CIMAP1B: variants seen among roughly 807,000 people sequenced by gnomAD.
The protein encoded by CIMAP1B is ciliary microtubule associated protein 1B.
chr22:50,531,811 C>T, the CIMAP1B span: 1 of 1,346,446 alleles, frequency 7.4e-7, no homozygotes, highest in African/African-American at 1.5e-5. Flanking sequence ...CGGGCCCAGC[C>T]CCAAGCCCCA....
At chr22:50,530,942 T>G in the CIMAP1B span, 1 of 1,610,772 alleles carries the variant, frequency 6.2e-7, no homozygotes, top group Admixed American at 1.7e-5. Flanking sequence ...CCCACCTTGC[T>G]GAGGTCCTCG....
chr22:50,530,791 T>C, the CIMAP1B span: 36 of 1,607,006 alleles, frequency 2.2e-5, no homozygotes, highest in East Asian at 8.1e-4. Flanking sequence ...AATCGTGAAC[T>C]GGGGGGCCCG....
chr22:50,532,134 G>GCGGCCC, the CIMAP1B span: 1 of 1,329,444 alleles, frequency 7.5e-7, no homozygotes, highest in Non-Finnish European at 9.7e-7. Context: ...GGCGGTGGCC[G>GCGGCCC]CGGCCCCTGC....
the CIMAP1B span, chr22:50,530,636 C>G: frequency 1.3e-6 from 2 of 1,580,174 alleles, no homozygotes; most frequent in Non-Finnish European, 1.7e-6. Flanking sequence ...CCCCCGGGGA[C>G]TCTGATCCCA....
chr22:50,532,215 C>G, the CIMAP1B span: 965 of 1,159,724 alleles, frequency 8.3e-4, 1 homozygote, highest in Non-Finnish European at 1.0e-3. Flanking sequence ...GGGCCTGGAC[C>G]GTATCCCTGG....
chr22:50,530,669 C>T, the CIMAP1B span: 48 of 1,602,898 alleles, frequency 3.0e-5, no homozygotes, highest in Non-Finnish European at 3.9e-5. Flanking sequence ...CAGGCCCTCC[C>T]CACTCTCCTG....
At chr22:50,530,942 T>C in the CIMAP1B span, 4 of 1,610,892 alleles carry the variant, frequency 2.5e-6, no homozygotes, top group Admixed American at 6.7e-5. Flanking sequence ...CCCACCTTGC[T>C]GAGGTCCTCG....
At chr22:50,530,449 AAC>A in the CIMAP1B span, 2 of 1,568,126 alleles carry the variant, frequency 1.3e-6, no homozygotes, top group Non-Finnish European at 1.7e-6. Flanking sequence ...ACTTTAAGCA[AAC>A]ACGTGTGGGG....
At chr22:50,530,868 G>C in the CIMAP1B span, 4 of 1,606,186 alleles carry the variant, frequency 2.5e-6, no homozygotes, top group South Asian at 4.4e-5. Flanking sequence ...AGAGGGCAGA[G>C]GGTGCTGGCT....
the CIMAP1B span, chr22:50,530,593 G>T: frequency 4.5e-6 from 7 of 1,568,686 alleles, no homozygotes; most frequent in Non-Finnish European, 6.0e-6. Context: ...GACCTCGCGG[G>T]GCCGGCATCC....
the CIMAP1B span, chr22:50,530,794 G>T: frequency 6.2e-7 from 1 of 1,606,520 alleles, no homozygotes; most frequent in Non-Finnish European, 8.5e-7. Context: ...CGTGAACTGG[G>T]GGGCCCGGGA....
At chr22:50,530,707 G>A in the CIMAP1B span, 1 of 1,611,672 alleles carries the variant, frequency 6.2e-7, no homozygotes, top group Middle Eastern at 1.7e-4. Flanking sequence ...TGGGCTCCAG[G>A]CCACCTGATC....
the CIMAP1B span, chr22:50,532,056 C>T: frequency 2.2e-6 from 3 of 1,348,968 alleles, no homozygotes; most frequent in Non-Finnish European, 2.9e-6. Context: ...CGCCAAAGGC[C>T]CACCCAGGCG....
At chr22:50,531,338 G>A in the CIMAP1B span, 2 of 1,473,222 alleles carry the variant, frequency 1.4e-6, no homozygotes, top group East Asian at 2.3e-5. Context: ...AACTGCGTGG[G>A]AGCCTGGTGG....
At chr22:50,530,806 T>C in the CIMAP1B span, 1 of 1,605,902 alleles carries the variant, frequency 6.2e-7, no homozygotes, top group Non-Finnish European at 8.5e-7. Flanking sequence ...GGCCCGGGAC[T>C]TGTAGACCCC....
At chr22:50,530,850 G>A in the CIMAP1B span, 1 of 1,605,052 alleles carries the variant, frequency 6.2e-7, no homozygotes, top group Non-Finnish European at 8.5e-7. Context: ...AGGGGCCCGG[G>A]GTCTGCGAGA....
chr22:50,531,124 C>G, the CIMAP1B span: 2 of 1,588,960 alleles, frequency 1.3e-6, no homozygotes, highest in Middle Eastern at 1.7e-4. Context: ...GTCCCAGCTC[C>G]CGGAGGGCGG....
the CIMAP1B span, chr22:50,530,555 C>T: frequency 1.3e-6 from 2 of 1,591,502 alleles, no homozygotes; most frequent in East Asian, 2.3e-5. Context: ...CGCGGGGCTT[C>T]CGGTGCTGCG....
chr22:50,530,715 A>T, the CIMAP1B span: 1 of 1,611,774 alleles, frequency 6.2e-7, no homozygotes, highest in South Asian at 1.1e-5. Flanking sequence ...AGGCCACCTG[A>T]TCCACGTTGT....
Sources: gnomAD v4.1 joint callset for allele counts on GRCh38, gnomAD v4.1.1 for gene constraint, MANE v1.5 for transcripts, NCBI Gene and HGNC (gene_info 2026-07-23, HGNC 2026-07-21) for gene names.